The following TAMM41 variants were observed in gnomAD, a reference collection of about 807,000 sequenced individuals.
TAMM41 encodes the protein TAM41 mitochondrial translocator assembly and maintenance homolog, also known as phosphatidate cytidylyltransferase, mitochondrial.
A neutral mutation model predicts 44.1 loss-of-function variants in TAMM41; 36 were observed. That is an observed-to-expected ratio of 0.82 (90% CI 0.63 to 1.08). The LOEUF (loss-of-function observed/expected upper bound fraction) is 1.08, where lower values mean the gene tolerates loss of function less well. Ranked by LOEUF, TAMM41 falls within the 50% of genes least tolerant of loss-of-function variation. The pLI, the probability that TAMM41 is intolerant of heterozygous loss-of-function variation, is 0.00. For synonymous variants in TAMM41, 164 were observed against 153.1 expected, an observed-to-expected ratio of 1.07 and a Z score of -0.53; for missense variants, 417 against 404.3, an observed-to-expected ratio of 1.03 and a Z score of -0.27.
the TAMM41 span, among the ~76,000 whole-genome samples, chr3:11,727,776 T>C: frequency 6.6e-6 from 1 of 150,730 alleles, no homozygotes; most frequent in African/African-American, 2.5e-5. Flanking sequence ...ATTTCTTTTT[T>C]TTTCTAATTT....
At chr3:11,790,664 T>C in intron 7 of TAMM41, 83 bp from the exon 8 acceptor site, 1 of 1,297,380 alleles carries the variant, frequency 7.7e-7, no homozygotes, top group Non-Finnish European at 1.1e-6. Context: ...CTGAGCAGAC[T>C]TGTCTTTGGA....
chr3:11,729,521 CTTTCTTTTCTTTCTTTCA>C, the TAMM41 span, among the ~76,000 whole-genome samples: 64 of 93,986 alleles, frequency 6.8e-4, 6 homozygotes, highest in East Asian at 0.01. Context: ...TTCTTTCTTT[CTTTCTTTTCTTTCTTTCA>C]TTTTTTTTTT....
chr3:11,770,372 C>T, the TAMM41 span, among the ~76,000 whole-genome samples: 1 of 152,170 alleles, frequency 6.6e-6, no homozygotes, highest in South Asian at 2.1e-4. Context: ...TCTAACAACT[C>T]CTGCACCTCT....
At chr3:11,797,146 A>T (rs1007078571) in intron 7 of TAMM41, among the ~76,000 whole-genome samples, 1 of 152,214 alleles carries the variant, frequency 6.6e-6, no homozygotes, top group Non-Finnish European at 1.5e-5. Flanking sequence ...GAAAAAAACT[A>T]TTTTAAAATT....
At chr3:11,778,949 C>T in the TAMM41 span, among the ~76,000 whole-genome samples, 16 of 152,246 alleles carry the variant, frequency 1.1e-4, no homozygotes, top group South Asian at 1.9e-3. Context: ...TGCTATGCTA[C>T]GGTTTGGATG....
At chr3:11,813,988 G>C (rs1050136755) in intron 5 of TAMM41, among the ~76,000 whole-genome samples, 2 of 117,104 alleles carry the variant, frequency 1.7e-5, no homozygotes, top group East Asian at 4.1e-4. Flanking sequence ...ACACACCTGT[G>C]TATACACACA....
At chr3:11,800,613 T>C (rs2077725190) in intron 7 of TAMM41, among the ~76,000 whole-genome samples, 1 of 146,504 alleles carries the variant, frequency 6.8e-6, no homozygotes, top group African/African-American at 2.5e-5. Flanking sequence ...ACCAAAAGGG[T>C]ACAGCAAATC....
intron 3 of TAMM41, among the ~76,000 whole-genome samples, chr3:11,833,659 A>G (rs925402400): frequency 3.3e-5 from 5 of 152,318 alleles, no homozygotes; most frequent in Admixed American, 6.5e-5. Context: ...CAGAGAAGAA[A>G]CAGTTGTCTT....
the TAMM41 span, among the ~76,000 whole-genome samples, chr3:11,770,597 G>C: frequency 6.6e-6 from 1 of 152,180 alleles, no homozygotes; most frequent in South Asian, 2.1e-4. Flanking sequence ...ACACTGCTGA[G>C]CGCGTGCTGA....
intron 5 of TAMM41, among the ~76,000 whole-genome samples, chr3:11,813,862 ATGTATATATATG>A (rs1395413351): frequency 9.2e-5 from 12 of 130,858 alleles, no homozygotes; most frequent in African/African-American, 3.7e-4. Context: ...GTGTGTATGT[ATGTATATATATG>A]TATATATGTA....
intron 5 of TAMM41, 197 bp from the exon 6 acceptor site, chr3:11,809,879 G>C: frequency 2.0e-6 from 1 of 490,528 alleles, no homozygotes. Context: ...CTTCAAAAAG[G>C]ACAATTCTTG....
At chr3:11,753,728 C>T in the TAMM41 span, among the ~76,000 whole-genome samples, 2 of 151,088 alleles carry the variant, frequency 1.3e-5, no homozygotes, top group East Asian at 3.9e-4. Flanking sequence ...CAGAGCAAGA[C>T]TCCGTCTCAA....
At chr3:11,744,063 AATTTTTT>A in the TAMM41 span, among the ~76,000 whole-genome samples, 4 of 152,012 alleles carry the variant, frequency 2.6e-5, no homozygotes, top group African/African-American at 9.6e-5. Context: ...TAACACTTAA[AATTTTTT>A]ATTTTTTATT....
chr3:11,747,867 C>T, the TAMM41 span, among the ~76,000 whole-genome samples: 2 of 75,036 alleles, frequency 2.7e-5, no homozygotes, highest in African/African-American at 9.4e-5. Context: ...TCAATATTTA[C>T]TATTTATTTA....
intron 7 of TAMM41, among the ~76,000 whole-genome samples, chr3:11,796,241 G>C (rs2077603166): frequency 6.6e-6 from 1 of 152,170 alleles, no homozygotes; most frequent in African/African-American, 2.4e-5. Flanking sequence ...TGTAGGAGTA[G>C]AGTGAAATTT....
chr3:11,778,061 T>C, the TAMM41 span, among the ~76,000 whole-genome samples: 1 of 152,128 alleles, frequency 6.6e-6, no homozygotes, highest in African/African-American at 2.4e-5. Flanking sequence ...CCATTTGGCA[T>C]CATGTTTTCG....
chr3:11,807,563 A>G, intron 7 of TAMM41: 1 of 1,536,118 alleles, frequency 6.5e-7, no homozygotes, highest in East Asian at 2.4e-5. Context: ...AAACAATATG[A>G]GGGAAAAACC....
the TAMM41 span, among the ~76,000 whole-genome samples, chr3:11,754,734 G>C: frequency 1.2e-5 from 1 of 82,104 alleles, no homozygotes; most frequent in African/African-American, 4.3e-5. Context: ...TTTTTTTTGA[G>C]ACAGAGTCTT....
the TAMM41 span, among the ~76,000 whole-genome samples, chr3:11,725,400 TTCC>T: frequency 5.8e-3 from 789 of 135,966 alleles, 15 homozygotes; most frequent in Non-Finnish European, 7.1e-3. Context: ...CTTTTTCTTC[TTCC>T]TCTTCTTCTT....
Sources: allele counts gnomAD v4.1 joint callset (sites outside exome capture counted in the v4.1 genomes callset), GRCh38; gene constraint gnomAD v4.1.1; transcripts MANE v1.5; gene names NCBI Gene and HGNC (gene_info 2026-07-23, HGNC 2026-07-21).